Variants in ANAPC1 observed in about 807,000 individuals in gnomAD.
ANAPC1 encodes anaphase-promoting complex subunit 1.
Under a neutral mutation model 208.0 loss-of-function variants are expected in ANAPC1, and 36 were observed. The ratio of observed to expected loss-of-function variants is 0.17; its 90% CI spans 0.13 to 0.23. The LOEUF is 0.23. Ranked by LOEUF, ANAPC1 falls within the 10% of genes least tolerant of loss-of-function variation. The pLI is 1.00. For missense variants in ANAPC1, 942 were observed against 2,011.6 expected (o/e 0.47, Z 10.17); for synonymous variants, 378 against 695.2 (o/e 0.54, Z 7.18).
intron 18 of ANAPC1, 49 bp from the exon 19 acceptor site, chr2:111,834,921 T>A (rs1411748853): frequency 7.6e-7 from 1 of 1,313,586 alleles, no homozygotes; most frequent in African/African-American, 1.5e-5. Flanking sequence ...TACCTCCTTA[T>A]AATATCATAA....
chr2:111,847,794 A>G lies in ANAPC1; in HGVS notation c.1722T>C (p.Asp574=), dbSNP rs1488349058. The change falls in exon 15 of 48, where the codon GAT becomes GAC. Residue 574 remains aspartate (D), a synonymous_variant. Transcript: ENST00000341068. ...SKLHDSLYNE[D]CTFQQLGTYI... ...AAGTTCCAAGCTGTTGGAAAGTACAATCCTCATTATAGAGAGAATCATGAA... is the reference window on the plus strand; with the variant it reads ...AAGTTCCAAGCTGTTGGAAAGTACAGTCCTCATTATAGAGAGAATCATGAA... 2.5e-6 allele frequency: 4 copies of G among 1,608,622 alleles called. No individual in the cohort carries two copies. The highest frequency in any genetic ancestry group is 3.4e-6 in the Non-Finnish European group (4 of 1,177,746).
chr2:111,853,577 T>C (rs1456552115), intron 13 of ANAPC1, among the ~76,000 whole-genome samples: 1 of 152,040 alleles, frequency 6.6e-6, no homozygotes, highest in Non-Finnish European at 1.5e-5. Flanking sequence ...CTTCCTCCAC[T>C]GAAGTTTTGA....
chr2:111,823,110 C>G (rs972103169), intron 24 of ANAPC1, among the ~76,000 whole-genome samples: 9 of 146,340 alleles, frequency 6.2e-5, no homozygotes, highest in African/African-American at 2.3e-4. Context: ...CCCGGGTTCA[C>G]GCCATTCTCC....
chr2:111,797,321 A>G (rs1337251357), intron 34 of ANAPC1, among the ~76,000 whole-genome samples: 1 of 152,072 alleles, frequency 6.6e-6, no homozygotes, highest in Non-Finnish European at 1.5e-5. Context: ...AATGTATTAC[A>G]GAGTTTAGCA....
chr2:111,859,797 A>T (rs1451829877), intron 10 of ANAPC1, among the ~76,000 whole-genome samples: 2 of 152,140 alleles, frequency 1.3e-5, no homozygotes, highest in Non-Finnish European at 2.9e-5. Context: ...TCTTTATCCC[A>T]ATCTCACCAC....
chr2:111,851,012 T>C (rs1681365578), intron 13 of ANAPC1, 102 bp from the exon 14 acceptor site: 1 of 1,381,110 alleles, frequency 7.2e-7, no homozygotes, highest in African/African-American at 1.5e-5. Flanking sequence ...CTTTTGATAT[T>C]TCTAAGTTTA....
chr2:111,881,901 TGGACCG>T (rs1683317054), intron 1 of ANAPC1, among the ~76,000 whole-genome samples: 1 of 152,168 alleles, frequency 6.6e-6, no homozygotes, highest in Non-Finnish European at 1.5e-5. Flanking sequence ...TTAAAACCTC[TGGACCG>T]GGTGCGGTGG....
intron 3 of ANAPC1, among the ~76,000 whole-genome samples, chr2:111,875,451 C>A (rs1381054078): frequency 2.6e-5 from 4 of 152,324 alleles, no homozygotes; most frequent in Admixed American, 2.6e-4. Context: ...ATTTTAACAT[C>A]TCTTTTATCC....
rs191942386 is a variant in ANAPC1, at chr2:111,813,227, T to C, written c.3597+2143A>G. On this transcript the variant is annotated intron_variant, in intron 28 of 47. Coordinates refer to ENST00000341068, the MANE Select transcript of ANAPC1 (RefSeq NM_022662.4). ...GCCTCCCCTCCTCCCTTAGCACAACTGTGAGGGTCGTCTCAGGAAAGCCTC... is the reference window on the plus strand; with the variant it reads ...GCCTCCCCTCCTCCCTTAGCACAACCGTGAGGGTCGTCTCAGGAAAGCCTC... 7.9e-3 allele frequency among the ~76,000 whole-genome samples: 787 copies of C among 99,458 alleles called. 74 individuals carry two copies. The highest frequency in any genetic ancestry group is 0.025 in the African/African-American group (739 of 29,910). 65.2% of individuals were successfully genotyped at this position (99,458 alleles called of 152,430 possible). A position where few individuals can be genotyped will look rare whatever the true frequency, so the allele number is the denominator to read the frequency against.
At chr2:111,846,745 T>C (rs1681109302) in intron 16 of ANAPC1, among the ~76,000 whole-genome samples, 1 of 151,658 alleles carries the variant, frequency 6.6e-6, no homozygotes, top group Admixed American at 6.6e-5. Context: ...GATTTTTGTA[T>C]TTTTAGTAGA....
chr2:111,868,283 C>T (rs1682546121), intron 6 of ANAPC1, among the ~76,000 whole-genome samples, 187 bp from the exon 7 acceptor site: 1 of 152,170 alleles, frequency 6.6e-6, no homozygotes. Flanking sequence ...CTAGAAATCT[C>T]TCCCCTTAGA....
chr2:111,872,766 A>G, intron 5 of ANAPC1, 54 bp from the exon 6 acceptor site: 1 of 1,136,068 alleles, frequency 8.8e-7, no homozygotes, highest in Non-Finnish European at 1.3e-6. Flanking sequence ...ACCCCTTTAT[A>G]AAATGTTTTA....
chr2:111,876,783 G>A (rs1683045932), intron 3 of ANAPC1, among the ~76,000 whole-genome samples: 1 of 152,108 alleles, frequency 6.6e-6, no homozygotes, highest in African/African-American at 2.4e-5. Context: ...AGGAGTGGGA[G>A]GAAGCAGTAT....
chr2:111,806,965 G>A, intron 29 of ANAPC1, among the ~76,000 whole-genome samples: 1 of 69,716 alleles, frequency 1.4e-5, no homozygotes, highest in Non-Finnish European at 2.7e-5. Context: ...GGAGGCCAAG[G>A]CAGGAGGATC....
chr2:111,823,134 C>T (rs868670915), intron 24 of ANAPC1, among the ~76,000 whole-genome samples: 48 of 149,278 alleles, frequency 3.2e-4, no homozygotes, highest in South Asian at 2.1e-3. Context: ...CTCAGCCTCC[C>T]GAGTAGCTGG....
At chr2:111,872,446 T>C (rs552328843) in intron 6 of ANAPC1, among the ~76,000 whole-genome samples, 184 bp downstream of exon 6, 9 of 152,294 alleles carry the variant, frequency 5.9e-5, no homozygotes, top group Admixed American at 2.6e-4. Context: ...AAGTTGCAGA[T>C]TTTGGAGAAT....
At chr2:111,798,950 C>T (rs1461553885) in intron 34 of ANAPC1, among the ~76,000 whole-genome samples, 1 of 151,232 alleles carries the variant, frequency 6.6e-6, no homozygotes, top group Non-Finnish European at 1.5e-5. Flanking sequence ...AGGAGAATGG[C>T]GTGAACCTGG....
chr2:111,866,179 G>A (rs1290953670), intron 7 of ANAPC1: 3 of 257,286 alleles, frequency 1.2e-5, no homozygotes, highest in Non-Finnish European at 2.2e-5. Context: ...ACTCCAGCCT[G>A]GGCAACAGAG....
intron 38 of ANAPC1, among the ~76,000 whole-genome samples, chr2:111,789,172 A>G (rs1433395070): frequency 1.3e-5 from 2 of 152,238 alleles, no homozygotes; most frequent in Non-Finnish European, 2.9e-5. Context: ...CTGTATAAAC[A>G]ACTATTCCTC....
Sources: allele counts gnomAD v4.1 joint callset (sites outside exome capture counted in the v4.1 genomes callset), GRCh38; gene constraint gnomAD v4.1.1; transcripts MANE v1.5; gene names NCBI Gene and HGNC (gene_info 2026-07-23, HGNC 2026-07-21).